Variants in RSU1 observed in about 807,000 individuals in gnomAD.
RSU1 encodes rsu-1.
In RSU1, 26 loss-of-function variants were observed where a neutral mutation model predicts 31.1. That is an observed-to-expected ratio of 0.84 (90% CI 0.61 to 1.16). The LOEUF (loss-of-function observed/expected upper bound fraction) is 1.16, where lower values mean the gene tolerates loss of function less well. Among genes scored for constraint, RSU1 ranks in the 50% most tolerant of loss-of-function variants. The probability of loss-of-function intolerance (pLI) is 0.00; values close to 1 mark genes in which losing one functional copy is unlikely to be tolerated. For synonymous variants in RSU1, 164 were observed against 136.3 expected, an observed-to-expected ratio of 1.20 and a Z score of -1.41; for missense variants, 320 against 339.1, an observed-to-expected ratio of 0.94 and a Z score of 0.44.
chr10:16,733,832 A>G (rs1029519361), intron 7 of RSU1, among the ~76,000 whole-genome samples: 1 of 152,244 alleles, frequency 6.6e-6, no homozygotes, highest in Non-Finnish European at 1.5e-5. Context: ...AAGTTGAGAA[A>G]TAACAGTCTC....
chr10:16,759,877 A>ATGGAGAGTGCCTTT (rs145997772), intron 4 of RSU1, among the ~76,000 whole-genome samples: 1 of 152,060 alleles, frequency 6.6e-6, no homozygotes, highest in Non-Finnish European at 1.5e-5. Flanking sequence ...GCAAATTCTG[A>ATGGAGAGTGCCTTT]TGGATCACAC....
chr10:16,794,319 A>G (rs1837982808), intron 2 of RSU1, among the ~76,000 whole-genome samples: 1 of 152,200 alleles, frequency 6.6e-6, no homozygotes, highest in African/African-American at 2.4e-5. Flanking sequence ...GACTTGTACC[A>G]TAAAAGTACT....
chr10:16,723,950 A>AT (rs1836332669), intron 7 of RSU1, among the ~76,000 whole-genome samples: 1 of 151,854 alleles, frequency 6.6e-6, no homozygotes, highest in African/African-American at 2.4e-5. Context: ...CTTTTTATTT[A>AT]TTTTTTTGAG....
chr10:16,729,301 C>T (rs745634005), intron 7 of RSU1, among the ~76,000 whole-genome samples: 31 of 152,188 alleles, frequency 2.0e-4, no homozygotes, highest in Admixed American at 5.2e-4. Flanking sequence ...AAATACACTT[C>T]CAATTCAGAC....
chr10:16,739,078 A>G (rs1836696552), intron 7 of RSU1, among the ~76,000 whole-genome samples: 1 of 152,150 alleles, frequency 6.6e-6, no homozygotes, highest in African/African-American at 2.4e-5. Context: ...TCCATGGTGT[A>G]TATGGACCAC....
chr10:16,733,537 C>T (rs756600487), intron 7 of RSU1, among the ~76,000 whole-genome samples: 1 of 151,734 alleles, frequency 6.6e-6, no homozygotes, highest in Non-Finnish European at 1.5e-5. Context: ...AAACAGAAAA[C>T]CCAATGTTAT....
chr10:16,786,750 G>A (rs898295198), intron 2 of RSU1, among the ~76,000 whole-genome samples: 3 of 152,066 alleles, frequency 2.0e-5, no homozygotes, highest in Non-Finnish European at 4.4e-5. Context: ...CTCTAACGAC[G>A]AGAACTCCGC....
intron 7 of RSU1, among the ~76,000 whole-genome samples, chr10:16,745,862 C>A (rs1175322707): frequency 2.6e-5 from 4 of 152,142 alleles, no homozygotes; most frequent in Admixed American, 1.3e-4. Context: ...CGTTTTAAAC[C>A]TCTGGATAAA....
chr10:16,765,964 A>T (rs1228032947), intron 3 of RSU1, among the ~76,000 whole-genome samples: 1 of 152,210 alleles, frequency 6.6e-6, no homozygotes, highest in Non-Finnish European at 1.5e-5. Flanking sequence ...TTTCAAGACG[A>T]CCAATTGATA....
intron 7 of RSU1, chr10:16,723,291 T>C (rs1417533744): frequency 6.6e-6 from 1 of 152,172 alleles, no homozygotes; most frequent in East Asian, 1.9e-4. Flanking sequence ...AACCTTCAGA[T>C]AAAAAATTTT....
chr10:16,793,865 T>TA (rs1316866175), intron 2 of RSU1, among the ~76,000 whole-genome samples: 1 of 151,276 alleles, frequency 6.6e-6, no homozygotes, highest in African/African-American at 2.4e-5. Flanking sequence ...GATACCCAGA[T>TA]AGCTGGTAAA....
Position 16,590,854 on chromosome 10 carries a change from A to T in RSU1, c.*2540T>A, listed in dbSNP as rs950726214. 4 of 152,208 alleles carry T rather than the reference A, an allele frequency of 2.6e-5. No homozygotes were observed. Among genetic ancestry groups the T allele is most frequent in the Admixed American group, 6.5e-5 (1 of 15,280 alleles). The allele number at this position is 152,208 out of a possible 1,614,324, so 9.4% of individuals were successfully genotyped here. A position where few individuals can be genotyped will look rare whatever the true frequency, so the allele number is the denominator to read the frequency against. ...CATCCTTATATAGTTAGTTTTAAAA[A>T]TCTTGCTTTTTCTGTTTAATCAGAT... On this transcript the variant is annotated 3_prime_UTR_variant, in exon 9 of 9. Transcript: ENST00000345264.
chr10:16,672,025 G>A (rs911319085), intron 8 of RSU1, among the ~76,000 whole-genome samples: 45 of 151,230 alleles, frequency 3.0e-4, no homozygotes, highest in African/African-American at 9.5e-4. Flanking sequence ...CTGGCCAGAC[G>A]CGGTGGCTCA....
intron 7 of RSU1, among the ~76,000 whole-genome samples, chr10:16,709,931 A>G (rs1233313101): frequency 1.3e-5 from 2 of 152,144 alleles, no homozygotes; most frequent in Admixed American, 6.5e-5. Flanking sequence ...ATTTTCTCCC[A>G]TTCGGTTTTC....
intron 2 of RSU1, among the ~76,000 whole-genome samples, chr10:16,782,790 C>A (rs925668588): frequency 4.6e-5 from 7 of 151,992 alleles, no homozygotes; most frequent in African/African-American, 1.7e-4. Flanking sequence ...ATATACAGAG[C>A]CACAAAAGTA....
At chr10:16,676,897 G>C (rs1302447040) in intron 8 of RSU1, among the ~76,000 whole-genome samples, 2 of 152,126 alleles carry the variant, frequency 1.3e-5, no homozygotes, top group African/African-American at 4.8e-5. Context: ...CTCAGATAAG[G>C]GGTTGCTAAA....
chr10:16,784,083 T>C (rs1007149543), intron 2 of RSU1, among the ~76,000 whole-genome samples: 2 of 137,652 alleles, frequency 1.5e-5, no homozygotes, highest in Non-Finnish European at 3.0e-5. Flanking sequence ...TCCCTCTATG[T>C]ACAATTTTTT....
chr10:16,778,893 G>A (rs547924229), intron 3 of RSU1, among the ~76,000 whole-genome samples: 28 of 152,330 alleles, frequency 1.8e-4, no homozygotes, highest in Non-Finnish European at 2.6e-4. Context: ...TGCCAGGTGC[G>A]TACTGCATCA....
chr10:16,816,839 C>A, intron 2 of RSU1, 134 bp downstream of exon 2: 1 of 652,622 alleles, frequency 1.5e-6, no homozygotes, highest in Non-Finnish European at 2.8e-6. Flanking sequence ...GCGCGAAGCC[C>A]CTGACAAGTG....
Sources: allele counts gnomAD v4.1 joint callset (sites outside exome capture counted in the v4.1 genomes callset), GRCh38; gene constraint gnomAD v4.1.1; transcripts MANE v1.5; gene names NCBI Gene and HGNC (gene_info 2026-07-23, HGNC 2026-07-21).